Variants in RIGI observed in about 807,000 individuals in gnomAD.
RIGI encodes antiviral innate immune response receptor RIG-I.
the RIGI span, among the ~76,000 whole-genome samples, chr9:32,512,567 C>T: frequency 6.6e-6 from 1 of 152,078 alleles, no homozygotes; most frequent in Non-Finnish European, 1.5e-5. Context: ...TGGAATGTAT[C>T]TCAGAATAAT....
At chr9:32,477,462 A>G in the RIGI span, among the ~76,000 whole-genome samples, 1 of 152,186 alleles carries the variant, frequency 6.6e-6, no homozygotes, top group East Asian at 1.9e-4. Context: ...TAAGTACCCA[A>G]CAATAGGGAA....
the RIGI span, among the ~76,000 whole-genome samples, chr9:32,458,885 A>G: frequency 1.5e-5 from 2 of 132,734 alleles, no homozygotes; most frequent in East Asian, 2.1e-4. Context: ...TGCATTTAGC[A>G]TGACTTTTTT....
chr9:32,477,993 C>T, the RIGI span, among the ~76,000 whole-genome samples: 2 of 151,964 alleles, frequency 1.3e-5, no homozygotes, highest in Non-Finnish European at 2.9e-5. Flanking sequence ...CAGATCATAC[C>T]GGACTATGGG....
chr9:32,491,341 T>C, the RIGI span: 67 of 1,613,366 alleles, frequency 4.2e-5, no homozygotes, highest in Middle Eastern at 6.6e-4. Context: ...TCTGGCATTC[T>C]GGATCTTCTT....
the RIGI span, among the ~76,000 whole-genome samples, chr9:32,474,716 A>T: frequency 6.6e-6 from 1 of 152,164 alleles, no homozygotes; most frequent in Non-Finnish European, 1.5e-5. Context: ...GCCTCATGAG[A>T]GATCTTCAGC....
At chr9:32,500,700 T>G in the RIGI span, 4 of 1,381,156 alleles carry the variant, frequency 2.9e-6, no homozygotes, top group African/African-American at 4.4e-5. Context: ...CTAAGAGGCA[T>G]GAACTATAAG....
At chr9:32,487,875 A>ATAAGAG in the RIGI span, 1 of 1,547,328 alleles carries the variant, frequency 6.5e-7, no homozygotes, top group South Asian at 1.2e-5. Flanking sequence ...CAGTGTGGCC[A>ATAAGAG]TAAGAGTAAG....
At chr9:32,505,912 C>T in the RIGI span, among the ~76,000 whole-genome samples, 1 of 152,112 alleles carries the variant, frequency 6.6e-6, no homozygotes, top group Admixed American at 6.6e-5. Context: ...CTCAGTTTAA[C>T]AGTATATGCT....
chr9:32,463,011 G>A, the RIGI span, among the ~76,000 whole-genome samples: 1 of 152,060 alleles, frequency 6.6e-6, no homozygotes, highest in African/African-American at 2.4e-5. Context: ...ACAAAAATTA[G>A]TGATGCGTGG....
the RIGI span, among the ~76,000 whole-genome samples, chr9:32,506,602 A>G: frequency 8.1e-4 from 123 of 152,318 alleles, no homozygotes; most frequent in African/African-American, 2.9e-3. Flanking sequence ...GAAATGTTAT[A>G]TAATCTGGTT....
the RIGI span, chr9:32,493,737 T>C: frequency 1.4e-6 from 2 of 1,430,004 alleles, no homozygotes; most frequent in Non-Finnish European, 1.9e-6. Context: ...TTTCCCCCAA[T>C]TTTAGTATTT....
At chr9:32,457,135 T>TC in the RIGI span, 1 of 1,613,032 alleles carries the variant, frequency 6.2e-7, no homozygotes, top group South Asian at 1.1e-5. Context: ...TTTGGACATT[T>TC]CTGCTGGATC....
At chr9:32,495,602 A>G in the RIGI span, among the ~76,000 whole-genome samples, 1 of 150,518 alleles carries the variant, frequency 6.6e-6, no homozygotes, top group African/African-American at 2.4e-5. Flanking sequence ...ATCTTTCCAT[A>G]TGCTCATTAG....
At chr9:32,513,585 G>T in the RIGI span, among the ~76,000 whole-genome samples, 2 of 152,126 alleles carry the variant, frequency 1.3e-5, no homozygotes, top group East Asian at 3.8e-4. Flanking sequence ...ACTCAAGATG[G>T]ATTAAAGACT....
chr9:32,466,843 C>T, the RIGI span, among the ~76,000 whole-genome samples: 1 of 152,094 alleles, frequency 6.6e-6, no homozygotes, highest in South Asian at 2.1e-4. Flanking sequence ...AGAAACACTG[C>T]TTTAAAGATA....
the RIGI span, among the ~76,000 whole-genome samples, chr9:32,458,593 A>T: frequency 6.6e-6 from 1 of 152,166 alleles, no homozygotes; most frequent in Non-Finnish European, 1.5e-5. Context: ...TTAGTTTGTA[A>T]GCAGTTTTTC....
the RIGI span, chr9:32,485,603 CG>C: frequency 2.0e-5 from 8 of 408,470 alleles, no homozygotes; most frequent in South Asian, 1.5e-4. Flanking sequence ...TACAGTGGCG[CG>C]ATCTCGGCTC....
chr9:32,519,448 A>G, the RIGI span, among the ~76,000 whole-genome samples: 3 of 152,200 alleles, frequency 2.0e-5, no homozygotes, highest in African/African-American at 4.8e-5. Context: ...GCTTACCTCT[A>G]ATGAACTAGA....
chr9:32,485,032 C>T, the RIGI span: 2 of 573,192 alleles, frequency 3.5e-6, no homozygotes, highest in Non-Finnish European at 6.0e-6. Flanking sequence ...ATATAAGGCT[C>T]CTAAATAACC....
Sources: allele counts gnomAD v4.1 joint callset (sites outside exome capture counted in the v4.1 genomes callset), GRCh38; gene constraint gnomAD v4.1.1; transcripts MANE v1.5; gene names NCBI Gene and HGNC (gene_info 2026-07-23, HGNC 2026-07-21).